CDKL3: variants seen among roughly 807,000 people sequenced by gnomAD.
CDKL3 encodes cyclin-dependent kinase-like 3.
A neutral mutation model predicts 69.3 loss-of-function variants in CDKL3; 65 were observed. That is an observed-to-expected ratio of 0.94 (90% confidence interval 0.77 to 1.15). CDKL3 has a LOEUF of 1.15. Among genes scored for constraint, CDKL3 ranks in the 50% most tolerant of loss-of-function variants. CDKL3 has a pLI of 0.00. For missense variants in CDKL3, 652 were observed against 689.2 expected (o/e 0.95, Z 0.61); for synonymous variants, 202 against 221.6 (o/e 0.91, Z 0.79).
At chr5:134,347,665 T>C (rs919431104) in intron 4 of CDKL3, among the ~76,000 whole-genome samples, 6 of 128,580 alleles carry the variant, frequency 4.7e-5, no homozygotes, top group African/African-American at 1.8e-4. Flanking sequence ...AGGTAGGGAG[T>C]TCAAGACCAA....
intron 8 of CDKL3, among the ~76,000 whole-genome samples, chr5:134,288,526 C>G (rs569071421): frequency 4.1e-4 from 63 of 152,186 alleles, no homozygotes; most frequent in Non-Finnish European, 8.1e-4. Context: ...GTGACCAGTG[C>G]ACAGATACCC....
downstream of CDKL3, chr5:134,298,133 C>T (rs538974564): frequency 4.8e-5 from 18 of 375,314 alleles, no homozygotes; most frequent in East Asian, 3.3e-4. Context: ...GGTGTTTCAC[C>T]GTGTTGGTCA....
intron 6 of CDKL3, among the ~76,000 whole-genome samples, chr5:134,317,363 T>C (rs755628825): frequency 6.6e-6 from 1 of 152,156 alleles, no homozygotes; most frequent in Non-Finnish European, 1.5e-5. Context: ...CTTGAACTCC[T>C]GACCTCAGGT....
chr5:134,365,720 C>G (rs1561660886), intron 2 of CDKL3, among the ~76,000 whole-genome samples: 2 of 152,188 alleles, frequency 1.3e-5, no homozygotes, highest in South Asian at 4.1e-4. Flanking sequence ...TTCTAATATA[C>G]CTCTTTCCAA....
At chr5:134,330,832 C>G (rs901970881) in intron 4 of CDKL3, among the ~76,000 whole-genome samples, 2 of 152,092 alleles carry the variant, frequency 1.3e-5, no homozygotes, top group South Asian at 4.1e-4. Flanking sequence ...TTGAGCATCC[C>G]AAAAAAACCA....
At chr5:134,292,380 A>C (rs1765157496) in intron 8 of CDKL3, among the ~76,000 whole-genome samples, 1 of 152,180 alleles carries the variant, frequency 6.6e-6, no homozygotes. Flanking sequence ...TGGATCAAAT[A>C]AAAAATAAAA....
At chr5:134,310,260 A>T (rs543148250) in intron 7 of CDKL3, among the ~76,000 whole-genome samples, 1 of 152,064 alleles carries the variant, frequency 6.6e-6, no homozygotes, top group African/African-American at 2.4e-5. Context: ...ATCTCCACTC[A>T]CTGCAAGCTC....
chr5:134,286,734 A>G (rs1764883563), intron 8 of CDKL3, among the ~76,000 whole-genome samples: 1 of 152,128 alleles, frequency 6.6e-6, no homozygotes, highest in South Asian at 2.1e-4. Context: ...TGTAATAACC[A>G]TCAGATCTCA....
chr5:134,363,289 C>A (rs1366993359), intron 2 of CDKL3, among the ~76,000 whole-genome samples: 1 of 151,778 alleles, frequency 6.6e-6, no homozygotes, highest in Non-Finnish European at 1.5e-5. Context: ...AGAAATAGAG[C>A]TGTTCTATTT....
chr5:134,359,972 A>G lies in CDKL3; in HGVS notation c.285T>C (p.His95=). The G allele has an allele frequency of 6.3e-7, 1 of 1,578,786 alleles. No homozygotes were observed. The highest frequency in any genetic ancestry group is 8.6e-7 in the Non-Finnish European group (1 of 1,160,522). Reference sequence around the variant, plus strand: ...TTCTAAGTCGCTTACTCTCTAGTCCATGACAATAATGTTGTAACTCATCTA... The same window carrying G: ...TTCTAAGTCGCTTACTCTCTAGTCCGTGACAATAATGTTGTAACTCATCTA... ...TVLDELQHYC[H]GLESKRLRKY... is the part of the protein sequence containing the mutation. The change falls in exon 3 of 13, where the codon CAT becomes CAC. Residue 95 remains histidine, a synonymous_variant. Transcript: ENST00000265334.
chr5:134,348,005 A>T (rs1752370918), intron 4 of CDKL3, among the ~76,000 whole-genome samples: 1 of 152,218 alleles, frequency 6.6e-6, no homozygotes, highest in South Asian at 2.1e-4. Context: ...CATTTTAAAT[A>T]GGTGACTTGT....
chr5:134,316,340 G>A (rs923503121), intron 6 of CDKL3, among the ~76,000 whole-genome samples: 3 of 152,150 alleles, frequency 2.0e-5, no homozygotes, highest in South Asian at 2.1e-4. Flanking sequence ...TGGCTCACGC[G>A]TGTAATCCCA....
At chr5:134,287,719 A>G (rs529280886) in intron 8 of CDKL3, among the ~76,000 whole-genome samples, 1 of 152,292 alleles carries the variant, frequency 6.6e-6, no homozygotes, top group South Asian at 2.1e-4. Flanking sequence ...TCACTTGCAC[A>G]GGCTGCACCC....
At chr5:134,329,566 T>C (rs1182098812) in intron 4 of CDKL3, among the ~76,000 whole-genome samples, 5 of 151,568 alleles carry the variant, frequency 3.3e-5, no homozygotes, top group Non-Finnish European at 7.4e-5. Context: ...GCTTCCTGGG[T>C]TGACGCCATT....
chr5:134,358,968 T>C (rs1239685385), intron 3 of CDKL3, among the ~76,000 whole-genome samples: 1 of 152,136 alleles, frequency 6.6e-6, no homozygotes, highest in African/African-American at 2.4e-5. Context: ...TTAAATGCTT[T>C]ATACCTAGTA....
chr5:134,306,552 G>T (rs1001715976), intron 10 of CDKL3, 57 bp downstream of exon 10: 2 of 1,027,904 alleles, frequency 1.9e-6, no homozygotes, highest in African/African-American at 3.2e-5. Flanking sequence ...TAGAGAAAAG[G>T]AAAAAAGAAG....
chr5:134,320,998 A>G (rs916222566), intron 5 of CDKL3, among the ~76,000 whole-genome samples: 1 of 150,302 alleles, frequency 6.7e-6, no homozygotes, highest in African/African-American at 2.5e-5. Context: ...CTCTCATCAA[A>G]CATATTCTTT....
intron 3 of CDKL3, among the ~76,000 whole-genome samples, chr5:134,357,899 T>A (rs1159427457): frequency 6.6e-6 from 1 of 152,150 alleles, no homozygotes; most frequent in Non-Finnish European, 1.5e-5. Context: ...TTTGTTTTCA[T>A]CCAGTCACAG....
intron 10 of CDKL3, 34 bp from the exon 11 acceptor site, chr5:134,304,601 G>A (rs1228044111): frequency 6.5e-7 from 1 of 1,546,748 alleles, no homozygotes; most frequent in East Asian, 2.3e-5. Context: ...TTGAAGAAAT[G>A]TGTCTAACTA....
Sources: gnomAD v4.1 joint callset for allele counts (sites outside exome capture counted in the v4.1 genomes callset) on GRCh38, gnomAD v4.1.1 for gene constraint, MANE v1.5 for transcripts, NCBI Gene and HGNC (gene_info 2026-07-23, HGNC 2026-07-21) for gene names.